YTHDC1: variants seen among roughly 807,000 people sequenced by gnomAD.
The protein encoded by YTHDC1 is YTH N6-methyladenosine RNA binding protein C1.
YTHDC1 carries 12 observed loss-of-function variants against 107.0 expected under a neutral mutation model. That is an observed-to-expected ratio of 0.11 (90% CI 0.07 to 0.18). The LOEUF (loss-of-function observed/expected upper bound fraction) is 0.18. Among genes scored for constraint, YTHDC1 ranks in the 10% least tolerant of loss-of-function variants. The pLI is 1.00. For missense variants in YTHDC1, 635 were observed against 898.8 expected (o/e 0.71, Z 3.75); for synonymous variants, 280 against 289.5 (o/e 0.97, Z 0.33).
In YTHDC1 at chr4:68,337,770, T is replaced by G. The variant is rs1280838801; in HGVS notation, c.261A>C (p.Thr87=). ...SVSNNKRIVS[T]KGKSATEYKN... is the part of the protein sequence containing the mutation. ...TATACTCTGTGGCTGACTTTCCTTT[T>G]GTACTAACTATTCTTTTGTTATTGC... Residue 87 remains threonine (T), a synonymous_variant, in exon 3 of 17, where the codon ACA becomes ACC. Coordinates refer to ENST00000344157, the MANE Select transcript of YTHDC1 (RefSeq NM_001031732.4). The G allele has an allele frequency of 6.2e-7, 1 of 1,614,204 alleles. No individual in the cohort carries two copies. Among genetic ancestry groups the G allele is most frequent in the Non-Finnish European group, 8.5e-7 (1 of 1,180,038 alleles).
chr4:68,321,038 C>A lies in YTHDC1; in HGVS notation c.1602-833G>T, dbSNP rs897771767. 2.0e-5 allele frequency among the ~76,000 whole-genome samples: 3 copies of A among 151,954 alleles called. No homozygotes were observed. The East Asian group carries it at 5.8e-4, about 29-fold the overall frequency. ...ACAGAGGGCTGTTCTTTACTGTCTT[C>A]CATAAATCGGGTTAACTTAACACAT... is the stretch of plus-strand genomic sequence containing the variant. On this transcript the variant is annotated intron_variant, in intron 11 of 16. Coordinates refer to ENST00000344157, the MANE Select transcript of YTHDC1 (RefSeq NM_001031732.4).
At chr4:68,339,513 C>T (rs529238360) in intron 1 of YTHDC1, among the ~76,000 whole-genome samples, 11 of 152,074 alleles carry the variant, frequency 7.2e-5, no homozygotes, top group Middle Eastern at 3.2e-3. Context: ...AAGTCAAAGT[C>T]CTTATAACAC....
rs1721558940 is a variant in YTHDC1, at chr4:68,314,176, G to A, written c.2107C>T (p.Arg703Cys). 4.3e-6 allele frequency: 7 copies of A among 1,613,058 alleles called. No homozygotes were observed. The highest frequency in any genetic ancestry group is 1.1e-5 in the South Asian group (1 of 90,988). ...CGCTCTCTTTCTCTTTCTCTATCAC[G>A]TCCTCTATCTCGCTCTCTGTCTCGT... Reference protein sequence around the residue: ...NRRDRERDRGRDRERERERLC... With the variant: ...NRRDRERDRGCDRERERERLC... Residue 703 changes from arginine (R) to cysteine (C), a missense_variant, in exon 17 of 17, where the codon CGT (arginine) becomes TGT (cysteine). Transcript: ENST00000344157.
chr4:68,341,231 C>T (rs1217390148), intron 1 of YTHDC1, among the ~76,000 whole-genome samples: 1 of 152,046 alleles, frequency 6.6e-6, no homozygotes, highest in Non-Finnish European at 1.5e-5. Context: ...TAGAAATTGA[C>T]AGTTAAATCA....
At chr4:68,321,398 T>C (rs910677513) in intron 11 of YTHDC1, among the ~76,000 whole-genome samples, 35 of 152,154 alleles carry the variant, frequency 2.3e-4, no homozygotes, top group Non-Finnish European at 1.3e-4. Flanking sequence ...GGGGAGTGCA[T>C]TTACGACCGG....
rs997757521 is a variant in YTHDC1 at position 68,311,649 on chromosome 4, A to G, written c.*2450T>C. ...CAATGTTCCGGTAAGTTTATTTTAA[A>G]AATTAGGAAAGGAGAAAACAGTGAT... On this transcript the variant is annotated 3_prime_UTR_variant, in exon 17 of 17. Transcript: ENST00000344157. The G allele has an allele frequency of 1.3e-5, 2 of 152,240 alleles. No individual in the cohort carries two copies. The highest frequency in any genetic ancestry group is 4.8e-5 in the African/African-American group (2 of 41,454). The allele number at this position is 152,240 out of a possible 1,614,324, so 9.4% of individuals were successfully genotyped here. A position where few individuals can be genotyped will look rare whatever the true frequency, so the allele number is the denominator to read the frequency against.
chr4:68,326,631 C>A (rs1001439293), intron 9 of YTHDC1, among the ~76,000 whole-genome samples: 8 of 152,094 alleles, frequency 5.3e-5, no homozygotes, highest in Admixed American at 3.3e-4. Context: ...CACTCTGTTA[C>A]CCAGACTGGA....
chr4:68,349,944 C>A lies in YTHDC1; in HGVS notation c.-191G>T. 1 of 762,332 alleles carries A rather than the reference C, an allele frequency of 1.3e-6. No individual in the cohort carries two copies. The allele number at this position is 762,332 out of a possible 1,614,324, so 47.2% of individuals were successfully genotyped here. A position where few individuals can be genotyped will look rare whatever the true frequency, so the allele number is the denominator to read the frequency against. Reference sequence around the variant, plus strand: ...TTTTTCCCTTTCTCCCTTCCTTTCACTCCAGCATCCAGCGGCCTAGGCCCA... The same window carrying A: ...TTTTTCCCTTTCTCCCTTCCTTTCAATCCAGCATCCAGCGGCCTAGGCCCA... On this transcript the variant is annotated 5_prime_UTR_variant, in exon 1 of 17. Transcript: ENST00000344157.
In YTHDC1 at chr4:68,318,468, C is replaced by T. The variant is rs371415323; in HGVS notation, c.1824+51G>A. The T allele has an allele frequency of 3.5e-5, 52 of 1,506,982 alleles. 1 individual carries two copies. The highest frequency in any genetic ancestry group is 2.5e-4 in the East Asian group (11 of 43,200). The allele number at this position is 1,506,982 out of a possible 1,614,324, so 93.4% of individuals were successfully genotyped here. A position where few individuals can be genotyped will look rare whatever the true frequency, so the allele number is the denominator to read the frequency against. ...ATATTCCGAGTAAGCACCTGAAATA[C>T]TAGAACTGCAAATTAAGTTATGTAA... On this transcript the variant is annotated intron_variant, in intron 15 of 16. Transcript: ENST00000344157.
chr4:68,323,319 T>G (rs1367309019), intron 10 of YTHDC1, among the ~76,000 whole-genome samples: 1 of 152,222 alleles, frequency 6.6e-6, no homozygotes, highest in African/African-American at 2.4e-5. Context: ...TTGAAATACA[T>G]TAGATTTACC....
rs1722212658 is a variant in YTHDC1, at chr4:68,319,477, A to G, written c.1685-615T>C. 4.6e-5 allele frequency among the ~76,000 whole-genome samples: 7 copies of G among 152,310 alleles called. No individual in the cohort carries two copies. In the South Asian group the frequency reaches 1.4e-3, roughly 32 times the overall value. ...AAAAACTATTTTCACTTTCTACAAC[A>G]GGACAACCTATTTTGGAAGAATGAG... On this transcript the variant is annotated intron_variant, in intron 12 of 16. Transcript: ENST00000344157.
At chr4:68,317,467 A>T (rs1477865498) in intron 15 of YTHDC1, among the ~76,000 whole-genome samples, 4 of 152,200 alleles carry the variant, frequency 2.6e-5, no homozygotes, top group Non-Finnish European at 4.4e-5. Context: ...ATTTAAAAAA[A>T]GACATAAATT....
chr4:68,332,914 T>C lies in YTHDC1; in HGVS notation c.974-67A>G, dbSNP rs867998510. 5 of 1,345,510 alleles carry C rather than the reference T, an allele frequency of 3.7e-6. No homozygotes were observed. In the Admixed American group the frequency reaches 7.4e-5, roughly 20 times the overall value. 83.3% of individuals were successfully genotyped at this position (1,345,510 alleles called of 1,614,324 possible). On this transcript the variant is annotated intron_variant, in intron 5 of 16. Transcript: ENST00000344157. ...TAGAGATAAGACAAAATTTCTACAG[T>C]CTTGTCACATAAAATTCTCATTCAA...
In YTHDC1 at chr4:68,325,053, T is replaced by A. The variant is rs560380397; in HGVS notation, c.1350-830A>T. On this transcript the variant is annotated intron_variant, in intron 9 of 16. Coordinates refer to ENST00000344157, the MANE Select transcript of YTHDC1 (RefSeq NM_001031732.4). The stretch of plus-strand genomic sequence containing the variant: ...ATTAACACTATTTGATAAGGTTTTA[T>A]CTGCCTGTGCATAAAACAAATAATG... Among the ~76,000 whole-genome samples, 6 of 152,356 alleles carry A rather than the reference T, an allele frequency of 3.9e-5. No homozygotes were observed. In the South Asian group the frequency reaches 1.2e-3, roughly 32 times the overall value.
intron 9 of YTHDC1, 67 bp from the exon 10 acceptor site, chr4:68,324,290 G>A: frequency 7.3e-7 from 1 of 1,379,036 alleles, no homozygotes. Context: ...ACTACTTTTA[G>A]TAGTGAATTC....
At position 68,314,193 on chromosome 4, in the gene YTHDC1, C is replaced by T. The variant is rs1389299319; in HGVS notation, c.2090G>A (p.Arg697Lys). The change falls in exon 17 of 17, where the codon AGA (arginine) becomes AAA (lysine). Residue 697 changes from arginine to lysine, a missense_variant. Coordinates refer to ENST00000344157, the MANE Select transcript of YTHDC1 (RefSeq NM_001031732.4). Reference protein sequence around the residue: ...RDRPRDNRRDRERDRGRDRER... With the variant: ...RDRPRDNRRDKERDRGRDRER... ...TCTATCACGTCCTCTATCTCGCTCT[C>T]TGTCTCGTCTGTTATCTCTAGGGCG... is the stretch of plus-strand genomic sequence containing the variant. 1.2e-6 allele frequency: 2 copies of T among 1,613,470 alleles called. No individual in the cohort carries two copies. The highest frequency in any genetic ancestry group is 3.3e-5 in the Admixed American group (2 of 59,928).
rs1426361166 is a variant in YTHDC1 at position 68,329,869 on chromosome 4, G to A, written c.1349+133C>T. On this transcript the variant is annotated intron_variant, in intron 9 of 16. Transcript: ENST00000344157. ...TTTAGACTAAATACGCCTTTGTTGTGTCCCACATTAGATAAAGGTAGTTAC... is the reference window on the plus strand; with the variant it reads ...TTTAGACTAAATACGCCTTTGTTGTATCCCACATTAGATAAAGGTAGTTAC... The A allele has an allele frequency of 1.1e-5, 7 of 638,220 alleles. No homozygotes were observed. The East Asian group carries it at 1.8e-4, about 16-fold the overall frequency. The allele number at this position is 638,220 out of a possible 1,614,324, so 39.5% of individuals were successfully genotyped here.
chr4:68,341,891 G>C (rs1481257914), intron 1 of YTHDC1, among the ~76,000 whole-genome samples: 2 of 152,120 alleles, frequency 1.3e-5, no homozygotes, highest in African/African-American at 4.8e-5. Context: ...TTTGGGGAAA[G>C]GAAAAGCAGG....
intron 6 of YTHDC1, 123 bp downstream of exon 6, chr4:68,332,671 T>G: frequency 1.3e-6 from 1 of 787,514 alleles, no homozygotes; most frequent in Non-Finnish European, 2.0e-6. Context: ...AAGATATTAT[T>G]TTTTGCTTCA....
Sources: gnomAD v4.1 joint callset for allele counts (sites outside exome capture counted in the v4.1 genomes callset) on GRCh38, gnomAD v4.1.1 for gene constraint, MANE v1.5 for transcripts, NCBI Gene and HGNC (gene_info 2026-07-23, HGNC 2026-07-21) for gene names.